SCFD2: variants seen among roughly 807,000 people sequenced by gnomAD.
SCFD2 encodes the protein sec1 family domain containing 2, also known as sec1 family domain-containing protein 2.
A neutral mutation model predicts 58.9 loss-of-function variants in SCFD2; 54 were observed. That is an observed-to-expected ratio of 0.92 (90% confidence interval 0.74 to 1.15). SCFD2 has a LOEUF of 1.15. Ranked by LOEUF, SCFD2 falls within the 50% of genes most tolerant of loss-of-function variation. The probability of loss-of-function intolerance (pLI) is 0.00; values close to 1 mark genes in which losing one functional copy is unlikely to be tolerated. For synonymous variants in SCFD2, 321 were observed against 335.9 expected, an observed-to-expected ratio of 0.96 and a Z score of 0.49; for missense variants, 805 against 836.6, an observed-to-expected ratio of 0.96 and a Z score of 0.47.
chr4:52,881,562 T>C (rs1400299574), intron 8 of SCFD2, among the ~76,000 whole-genome samples: 1 of 152,248 alleles, frequency 6.6e-6, no homozygotes, highest in Non-Finnish European at 1.5e-5. Flanking sequence ...TTTTGCTTTT[T>C]AGATAGTCAA....
In SCFD2 at chr4:52,928,351, G is replaced by T. The variant is rs556188434; in HGVS notation, c.1562-7481C>A. Among the ~76,000 whole-genome samples, 3 of 152,128 alleles carry T rather than the reference G, an allele frequency of 2.0e-5. No homozygotes were observed. The South Asian group carries it at 6.2e-4, about 32-fold the overall frequency. On this transcript the variant is annotated intron_variant, in intron 5 of 8. Coordinates refer to ENST00000401642, the MANE Select transcript of SCFD2 (RefSeq NM_152540.4). ...TCTGTCTCAAGAAAATTATAATCTA[G>T]GTTGTCAGACATCAGGTTTTATAGG...
intron 5 of SCFD2, among the ~76,000 whole-genome samples, chr4:53,139,477 C>T (rs1235848343): frequency 5.3e-5 from 7 of 132,428 alleles, no homozygotes; most frequent in Non-Finnish European, 1.2e-4. Flanking sequence ...AGGTGAGGAG[C>T]GTCTCTGACC....
rs549691251 is a variant in SCFD2 at position 53,227,437 on chromosome 4, T to C, written c.1311+46389A>G. Among the ~76,000 whole-genome samples the C allele has an allele frequency of 1.5e-3, 235 of 152,274 alleles. 2 individuals are homozygous for C. Among genetic ancestry groups the C allele is most frequent in the Non-Finnish European group, 3.0e-3 (206 of 68,022 alleles). On this transcript the variant is annotated intron_variant, in intron 4 of 8. Coordinates refer to ENST00000401642, the MANE Select transcript of SCFD2 (RefSeq NM_152540.4). ...AAGCCATCTATAGAAGGGTGTGCCATAGAGGGGATTCTTGTAAAGATGACG... is the reference window on the plus strand; with the variant it reads ...AAGCCATCTATAGAAGGGTGTGCCACAGAGGGGATTCTTGTAAAGATGACG...
intron 5 of SCFD2, among the ~76,000 whole-genome samples, chr4:52,975,211 A>T (rs1721219171): frequency 6.6e-6 from 1 of 152,256 alleles, no homozygotes. Context: ...AGCAAAAGAA[A>T]CTACCACTAG....
At chr4:53,128,581 G>A (rs542729073) in intron 5 of SCFD2, among the ~76,000 whole-genome samples, 1 of 152,122 alleles carries the variant, frequency 6.6e-6, no homozygotes, top group African/African-American at 2.4e-5. Context: ...AAGGTTCGGA[G>A]GGGAGGAGGG....
chr4:53,268,445 G>A (rs1336607993), intron 4 of SCFD2, among the ~76,000 whole-genome samples: 1 of 152,198 alleles, frequency 6.6e-6, no homozygotes, highest in Non-Finnish European at 1.5e-5. Context: ...CAGAACCAAA[G>A]CAGGTGACAA....
intron 5 of SCFD2, among the ~76,000 whole-genome samples, chr4:52,928,301 T>A (rs1375202677): frequency 2.0e-5 from 3 of 152,188 alleles, no homozygotes; most frequent in Admixed American, 2.0e-4. Flanking sequence ...ACCACTGTCC[T>A]CTAGCCTGGG....
chr4:52,900,058 T>A (rs1719143560), intron 7 of SCFD2, among the ~76,000 whole-genome samples: 1 of 152,192 alleles, frequency 6.6e-6, no homozygotes, highest in Non-Finnish European at 1.5e-5. Context: ...TGTCTAATTT[T>A]TTTTCAAAGT....
intron 4 of SCFD2, among the ~76,000 whole-genome samples, chr4:53,247,614 C>T (rs1285694412): frequency 6.6e-6 from 1 of 151,128 alleles, no homozygotes; most frequent in African/African-American, 2.4e-5. Context: ...AATCCCAGCA[C>T]TTTGGGAGGC....
intron 5 of SCFD2, among the ~76,000 whole-genome samples, chr4:52,973,842 T>C (rs1721176916): frequency 6.6e-6 from 1 of 152,188 alleles, no homozygotes; most frequent in South Asian, 2.1e-4. Context: ...GCTTCATCCA[T>C]GGGATGCAAG....
intron 5 of SCFD2, among the ~76,000 whole-genome samples, chr4:53,112,432 C>T (rs1199706025): frequency 6.6e-6 from 1 of 152,088 alleles, no homozygotes; most frequent in East Asian, 1.9e-4. Context: ...TACTGTATAG[C>T]TGGTATGGCT....
chr4:52,892,247 G>A (rs1054108115), intron 7 of SCFD2, among the ~76,000 whole-genome samples: 9 of 152,076 alleles, frequency 5.9e-5, no homozygotes, highest in Middle Eastern at 6.3e-3. Context: ...ATCCCCGTCC[G>A]GTGGAATCCA....
rs1417874352 is a variant in SCFD2, at chr4:52,873,771, T to C, written c.*198A>G. ...GTCGCCTTCAGGAAAATAAAAAAACTTTTTTTTTTTTTTTTTAAGAATCAC... is the reference window on the plus strand; with the variant it reads ...GTCGCCTTCAGGAAAATAAAAAAACCTTTTTTTTTTTTTTTTAAGAATCAC... On this transcript the variant is annotated 3_prime_UTR_variant, in exon 9 of 9. Transcript: ENST00000401642. 3.4e-5 allele frequency: 5 copies of C among 146,312 alleles called. No individual in the cohort carries two copies. Among genetic ancestry groups the C allele is most frequent in the East Asian group, 3.4e-4 (2 of 5,848 alleles). The allele number at this position is 146,312 out of a possible 1,614,324, so 9.1% of individuals were successfully genotyped here.
At chr4:53,259,387 A>C (rs990530571) in intron 4 of SCFD2, among the ~76,000 whole-genome samples, 1 of 152,116 alleles carries the variant, frequency 6.6e-6, no homozygotes, top group Non-Finnish European at 1.5e-5. Context: ...TCTTGAGTTG[A>C]TTTTTGTATA....
chr4:52,886,431 CT>C (rs1327038914), intron 7 of SCFD2, among the ~76,000 whole-genome samples: 1 of 152,244 alleles, frequency 6.6e-6, no homozygotes, highest in East Asian at 1.9e-4. Context: ...CCTCTTTCTT[CT>C]TGGGCATGGG....
At chr4:53,315,100 T>C (rs889725977) in intron 2 of SCFD2, among the ~76,000 whole-genome samples, 4 of 152,104 alleles carry the variant, frequency 2.6e-5, no homozygotes, top group Non-Finnish European at 4.4e-5. Context: ...AATGCTTGCA[T>C]AGGTGTTTAT....
At chr4:52,940,082 T>G (rs1039247872) in intron 5 of SCFD2, among the ~76,000 whole-genome samples, 1 of 152,238 alleles carries the variant, frequency 6.6e-6, no homozygotes, top group African/African-American at 2.4e-5. Context: ...CTTGCTAGTC[T>G]TCCCTGCTGG....
intron 5 of SCFD2, among the ~76,000 whole-genome samples, chr4:53,099,360 A>C (rs1342543038): frequency 2.0e-5 from 3 of 152,168 alleles, no homozygotes; most frequent in African/African-American, 7.2e-5. Context: ...TCAAACCCAT[A>C]ATTATTAGCC....
At chr4:53,261,920 T>C (rs373128048) in intron 4 of SCFD2, among the ~76,000 whole-genome samples, 36 of 152,206 alleles carry the variant, frequency 2.4e-4, no homozygotes, top group African/African-American at 8.4e-4. Flanking sequence ...GGTGCATATA[T>C]ATTTAGGATT....
Sources: gnomAD v4.1 joint callset for allele counts (sites outside exome capture counted in the v4.1 genomes callset) on GRCh38, gnomAD v4.1.1 for gene constraint, MANE v1.5 for transcripts, NCBI Gene and HGNC (gene_info 2026-07-23, HGNC 2026-07-21) for gene names.